The following IFNA4 variants were observed in gnomAD, a reference collection of about 807,000 sequenced individuals.
IFNA4 encodes interferon alpha-4.
For missense variants in IFNA4, 225 were observed against 214.9 expected (o/e 1.05, Z -0.29); for synonymous variants, 84 against 86.0 (o/e 0.98, Z 0.13).
exon 1 of IFNA4, chr9:21,186,925 T>C (rs369172108): frequency 7.4e-6 from 12 of 1,611,384 alleles, no homozygotes; most frequent in Middle Eastern, 1.8e-4. Flanking sequence ...AGATAATGTA[T>C]TAGTCAATCA....
exon 1 of IFNA4, chr9:21,186,879 G>T: frequency 6.3e-7 from 1 of 1,582,530 alleles, no homozygotes; most frequent in Non-Finnish European, 8.6e-7. Flanking sequence ...GGTTATAGAA[G>T]TGAGTCTTTG....
At chr9:21,186,838 A>T in exon 1 of IFNA4, 1 of 1,515,630 alleles carries the variant, frequency 6.6e-7, no homozygotes, top group Non-Finnish European at 8.9e-7. Flanking sequence ...CACTGCTGAA[A>T]ACATTTGAAA....
chr9:21,187,365 C>A, exon 1 of IFNA4: 1 of 1,614,198 alleles, frequency 6.2e-7, no homozygotes. Flanking sequence ...GAAATCATGT[C>A]TGTCCTTCAG....
exon 1 of IFNA4, chr9:21,187,157 C>T (rs1221668518): frequency 4.3e-6 from 7 of 1,613,838 alleles, no homozygotes; most frequent in Non-Finnish European, 5.9e-6. Context: ...CCCCAACCTC[C>T]TGTATCACAC....
chr9:21,187,292 G>C (rs1483280453), exon 1 of IFNA4: 1 of 1,613,644 alleles, frequency 6.2e-7, no homozygotes, highest in Non-Finnish European at 8.5e-7. Context: ...TCATCTCATG[G>C]AGGACAGAGA....
exon 1 of IFNA4, chr9:21,186,831 T>G (rs1817909528): frequency 1.4e-6 from 2 of 1,470,498 alleles, no homozygotes; most frequent in Admixed American, 2.1e-5. Context: ...TTCTTCACAC[T>G]GCTGAAAACA....
At position 21,187,399 on chromosome 9, in the gene IFNA4, C is replaced by G. The variant is rs145690832; in HGVS notation, c.133G>C (p.Gly45Arg). Residue 45 changes from glycine to arginine, a missense_variant, in exon 1 of 1, where the codon GGA becomes CGA. Physicochemically the swap from Gly to Arg is moderately radical, Grantham distance 125. Coordinates refer to ENST00000421715, the Ensembl canonical transcript of IFNA4. ...AGGCAGGAGAAATGAGAGATTCTTC[C>G]CATTTGTGCCAGGAGTATCAAGGCC... 1.7e-4 allele frequency: 271 copies of G among 1,614,004 alleles called. No individual in the cohort carries two copies. The highest frequency in any genetic ancestry group is 5.6e-4 in the East Asian group (25 of 44,884).
At chr9:21,186,728 TA>T (rs1817906220) in exon 1 of IFNA4, 2 of 305,362 alleles carry the variant, frequency 6.5e-6, no homozygotes, top group African/African-American at 4.4e-5. Context: ...ATTTAAATTT[TA>T]AAAATAAATA....
At chr9:21,186,697 C>A (rs1304590417) in exon 1 of IFNA4, 2 of 202,114 alleles carry the variant, frequency 9.9e-6, no homozygotes, top group East Asian at 2.4e-4. Flanking sequence ...TAAAGGTACT[C>A]ATGATATCAC....
chr9:21,187,566 T>A (rs1817929424), exon 1 of IFNA4: 2 of 1,572,838 alleles, frequency 1.3e-6, no homozygotes, highest in African/African-American at 2.7e-5. Flanking sequence ...CTACTTGAGA[T>A]GGATAACCTT....
chr9:21,186,965 A>G (rs1355553874), exon 1 of IFNA4: 3 of 1,613,988 alleles, frequency 1.9e-6, no homozygotes, highest in Non-Finnish European at 2.5e-6. Flanking sequence ...CCAGGTTTCA[A>G]TCCTTCCTCC....
chr9:21,187,420 A>G (rs1183491600), exon 1 of IFNA4: 1 of 1,614,068 alleles, frequency 6.2e-7, no homozygotes, highest in Non-Finnish European at 8.5e-7. Context: ...AGGAGTATCA[A>G]GGCCCTCCTA....
chr9:21,187,186 G>A (rs781251647), exon 1 of IFNA4: 4 of 1,613,328 alleles, frequency 2.5e-6, no homozygotes, highest in African/African-American at 1.3e-5. Flanking sequence ...AGGTCATTCA[G>A]TTGCTGGTAA....
At chr9:21,187,212 T>G in exon 1 of IFNA4, 1 of 1,612,434 alleles carries the variant, frequency 6.2e-7, no homozygotes, top group East Asian at 2.2e-5. Context: ...AGTGGAAAAT[T>G]TTTCTAGGAG....
At chr9:21,187,014 C>T (rs747971235) in exon 1 of IFNA4, 27 of 1,614,002 alleles carry the variant, frequency 1.7e-5, no homozygotes, top group Non-Finnish European at 2.1e-5. Context: ...CGAGAGGGAT[C>T]TCATGATTTC....
At chr9:21,186,754 T>C (rs1817906652) in exon 1 of IFNA4, 4 of 449,508 alleles carry the variant, frequency 8.9e-6, no homozygotes, top group South Asian at 2.2e-4. Flanking sequence ...TTTAAATAAA[T>C]AGATGAACAG....
exon 1 of IFNA4, chr9:21,187,323 T>C (rs1409187621): frequency 3.1e-6 from 5 of 1,613,972 alleles, no homozygotes; most frequent in Non-Finnish European, 4.2e-6. Flanking sequence ...CTTCTGGAAC[T>C]GGTGGCCATC....
exon 1 of IFNA4, chr9:21,187,581 T>C (rs746074555): frequency 1.3e-4 from 197 of 1,547,972 alleles, no homozygotes; most frequent in Non-Finnish European, 9.0e-5. Flanking sequence ...AACCTTGAAC[T>C]TCGGCCTCTA....
At chr9:21,187,203 G>C in exon 1 of IFNA4, 1 of 1,612,934 alleles carries the variant, frequency 6.2e-7, no homozygotes. Flanking sequence ...GTAAAGTTCA[G>C]TGGAAAATTT....
Sources: gnomAD v4.1 joint callset for allele counts on GRCh38, gnomAD v4.1.1 for gene constraint, MANE v1.5 for transcripts, NCBI Gene and HGNC (gene_info 2026-07-23, HGNC 2026-07-21) for gene names.